FRMD4B: variants seen among roughly 807,000 people sequenced by gnomAD.
FRMD4B encodes the protein FERM domain containing 4B.
FRMD4B carries 74 observed loss-of-function variants against 141.5 expected under a neutral mutation model. That is an observed-to-expected ratio of 0.52 (90% CI 0.43 to 0.63). FRMD4B has a LOEUF of 0.63. FRMD4B is among the 30% of genes least tolerant of loss of function. The pLI is 0.00. For missense variants in FRMD4B, 1,366 were observed against 1,253.4 expected, an observed-to-expected ratio of 1.09 and a Z score of -1.36; for synonymous variants, 506 against 467.9, an observed-to-expected ratio of 1.08 and a Z score of -1.05.
At chr3:69,200,702 G>C in intron 11 of FRMD4B, 1 of 1,279,708 alleles carries the variant, frequency 7.8e-7, no homozygotes, top group East Asian at 5.6e-5. Flanking sequence ...CTAAAATGGA[G>C]GGCAGTTGGG....
chr3:69,344,772 G>T (rs185232127), intron 1 of FRMD4B, among the ~76,000 whole-genome samples: 5 of 152,268 alleles, frequency 3.3e-5, no homozygotes, highest in Admixed American at 2.6e-4. Flanking sequence ...TAGTATAAAA[G>T]CATGTTCCTG....
At chr3:69,213,195 G>A (rs1461656527) in intron 11 of FRMD4B, among the ~76,000 whole-genome samples, 1 of 152,090 alleles carries the variant, frequency 6.6e-6, no homozygotes, top group African/African-American at 2.4e-5. Flanking sequence ...CTTTGTAAAT[G>A]CTTAGAATAT....
intron 1 of FRMD4B, among the ~76,000 whole-genome samples, chr3:69,523,416 C>A (rs1434736834): frequency 1.3e-5 from 2 of 152,118 alleles, no homozygotes; most frequent in African/African-American, 2.4e-5. Flanking sequence ...TAGGGCAGCA[C>A]TCAGGTATTG....
At chr3:69,341,125 A>G (rs572732761) in intron 1 of FRMD4B, among the ~76,000 whole-genome samples, 1 of 152,320 alleles carries the variant, frequency 6.6e-6, no homozygotes, top group Admixed American at 6.5e-5. Context: ...AAAGAAGGAA[A>G]AAAGAATACT....
chr3:69,515,803 C>T lies in FRMD4B; in HGVS notation c.-129+26403G>A, dbSNP rs188661431. The stretch of plus-strand genomic sequence containing the variant: ...AGTTTCTAAATGGAAAATATAACGC[C>T]GAAATAAGATTGCTAAATTAGAAGC... On this transcript the variant is annotated intron_variant, in intron 1 of 5. Transcript: ENST00000459638. 3.4e-4 allele frequency among the ~76,000 whole-genome samples: 52 copies of T among 152,110 alleles called. No individual in the cohort carries two copies. The East Asian group carries it at 6.9e-3, about 20-fold the overall frequency.
intron 1 of FRMD4B, among the ~76,000 whole-genome samples, chr3:69,356,514 G>A (rs1263387535): frequency 2.6e-5 from 4 of 151,584 alleles, no homozygotes; most frequent in South Asian, 4.2e-4. Context: ...GCCTGCAGAC[G>A]GCCTATTGTG....
At chr3:69,534,933 A>G (rs552551273) in intron 1 of FRMD4B, among the ~76,000 whole-genome samples, 1 of 152,214 alleles carries the variant, frequency 6.6e-6, no homozygotes, top group Admixed American at 6.5e-5. Context: ...TTCAACAAAT[A>G]ATATGAATTA....
At chr3:69,270,634 C>T (rs1292425024) in intron 5 of FRMD4B, among the ~76,000 whole-genome samples, 4 of 148,450 alleles carry the variant, frequency 2.7e-5, no homozygotes, top group African/African-American at 9.9e-5. Flanking sequence ...GGCAGAATCT[C>T]GGCTCACTGC....
intron 1 of FRMD4B, among the ~76,000 whole-genome samples, chr3:69,328,219 A>G (rs993041994): frequency 3.9e-5 from 6 of 152,236 alleles, no homozygotes; most frequent in Non-Finnish European, 8.8e-5. Context: ...CATTAAAAGC[A>G]AAGGTAATAA....
chr3:69,259,713 G>T (rs1053184469), intron 5 of FRMD4B, among the ~76,000 whole-genome samples: 2 of 152,284 alleles, frequency 1.3e-5, no homozygotes, highest in Non-Finnish European at 2.9e-5. Context: ...TATTTTCAAA[G>T]AAATTTTAAA....
chr3:69,396,233 G>T (rs1012420673), intron 2 of FRMD4B, among the ~76,000 whole-genome samples: 28 of 152,182 alleles, frequency 1.8e-4, no homozygotes, highest in Admixed American at 1.8e-3. Context: ...GGGGCTGGGT[G>T]TGGTGGCTCA....
intron 1 of FRMD4B, among the ~76,000 whole-genome samples, chr3:69,378,251 A>G (rs1704025299): frequency 6.6e-6 from 1 of 152,154 alleles, no homozygotes; most frequent in Non-Finnish European, 1.5e-5. Context: ...GTTCTGTGGC[A>G]AGGCAGAATT....
At chr3:69,361,390 G>T (rs893539460) in intron 1 of FRMD4B, among the ~76,000 whole-genome samples, 1 of 151,974 alleles carries the variant, frequency 6.6e-6, no homozygotes, top group Non-Finnish European at 1.5e-5. Flanking sequence ...GTTTCATTTA[G>T]AAAATTACAC....
rs1168133683 is a variant in FRMD4B, at chr3:69,187,924, T to C, written c.1772-7A>G. Reference sequence around the variant, plus strand: ...AAAGTGAAGGCATCACTGGCTATAATAAGTAAATGGGTGAATGAAAAAATA... The same window carrying C: ...AAAGTGAAGGCATCACTGGCTATAACAAGTAAATGGGTGAATGAAAAAATA... On this transcript the variant is annotated splice_polypyrimidine_tract_variant and splice_region_variant and intron_variant, in intron 18 of 22. Coordinates refer to ENST00000398540, the MANE Select transcript of FRMD4B (RefSeq NM_015123.3). 1 of 1,524,952 alleles carries C rather than the reference T, an allele frequency of 6.6e-7. No individual in the cohort carries two copies. The highest frequency in any genetic ancestry group is 2.4e-5 in the East Asian group (1 of 42,540). 94.5% of individuals were successfully genotyped at this position (1,524,952 alleles called of 1,614,324 possible).
chr3:69,406,801 CA>C (rs772722522), intron 2 of FRMD4B, among the ~76,000 whole-genome samples: 1 of 152,030 alleles, frequency 6.6e-6, no homozygotes, highest in Non-Finnish European at 1.5e-5. Flanking sequence ...GGCTCAAACA[CA>C]GCTCACCATA....
chr3:69,468,329 T>C (rs963723475), intron 1 of FRMD4B, among the ~76,000 whole-genome samples: 2 of 152,156 alleles, frequency 1.3e-5, no homozygotes, highest in South Asian at 4.1e-4. Flanking sequence ...TTCAGATCCT[T>C]TTATAGTGTT....
intron 1 of FRMD4B, among the ~76,000 whole-genome samples, chr3:69,380,063 A>C (rs1422080947): frequency 1.3e-5 from 2 of 152,222 alleles, no homozygotes; most frequent in Non-Finnish European, 2.9e-5. Flanking sequence ...GCCTTTGCCC[A>C]CCAATGTGGT....
intron 1 of FRMD4B, among the ~76,000 whole-genome samples, chr3:69,385,291 A>G (rs1049125987): frequency 2.6e-5 from 4 of 152,016 alleles, no homozygotes; most frequent in African/African-American, 9.7e-5. Flanking sequence ...AGTGTTCACA[A>G]TTTGCTGTCC....
intron 1 of FRMD4B, chr3:69,376,786 T>C (rs115978474): frequency 3.3e-5 from 5 of 152,200 alleles, no homozygotes. Context: ...TTGTAAGTCA[T>C]ATGGTCTTGT....
Sources: allele counts gnomAD v4.1 joint callset (sites outside exome capture counted in the v4.1 genomes callset), GRCh38; gene constraint gnomAD v4.1.1; transcripts MANE v1.5; gene names NCBI Gene and HGNC (gene_info 2026-07-23, HGNC 2026-07-21).